The following TNRC6B variants were observed in gnomAD, a reference collection of about 807,000 sequenced individuals.
TNRC6B encodes trinucleotide repeat containing adaptor 6B.
TNRC6B carries 52 observed loss-of-function variants against 203.6 expected under a neutral mutation model. The observed-to-expected ratio is 0.26, with a 90% CI of 0.20 to 0.32. TNRC6B has a LOEUF of 0.32. Ranked by LOEUF, TNRC6B falls within the 10% of genes least tolerant of loss-of-function variation. TNRC6B has a pLI of 1.00. For missense variants in TNRC6B, 1,923 were observed against 2,286.2 expected, an observed-to-expected ratio of 0.84 and a Z score of 3.24; for synonymous variants, 838 against 845.7, an observed-to-expected ratio of 0.99 and a Z score of 0.16.
At chr22:40,149,929 G>A (rs2068733483) in intron 3 of TNRC6B, among the ~76,000 whole-genome samples, 1 of 151,970 alleles carries the variant, frequency 6.6e-6, no homozygotes, top group Non-Finnish European at 1.5e-5. Flanking sequence ...CTCCCAAAGT[G>A]TTGGAATTAC....
intron 1 of TNRC6B, among the ~76,000 whole-genome samples, chr22:40,212,660 ATTATTT>A (rs1051911983): frequency 1.3e-5 from 2 of 151,720 alleles, no homozygotes; most frequent in African/African-American, 2.4e-5. Context: ...TTTGTTTTTA[ATTATTT>A]TTATTTTTAT....
chr22:40,173,719 G>C (rs1283304041), upstream of TNRC6B, among the ~76,000 whole-genome samples: 1 of 120,948 alleles, frequency 8.3e-6, no homozygotes, highest in Non-Finnish European at 1.7e-5. Flanking sequence ...GGCCAGCCTT[G>C]CTTTTATATT....
chr22:40,285,845 G>T, intron 12 of TNRC6B, 75 bp downstream of exon 12: 1 of 1,542,540 alleles, frequency 6.5e-7, no homozygotes, highest in South Asian at 1.2e-5. Context: ...ACTGATTTTT[G>T]TGGGCATAAA....
chr22:40,310,587 C>G (rs2071163099), intron 16 of TNRC6B, among the ~76,000 whole-genome samples: 1 of 152,106 alleles, frequency 6.6e-6, no homozygotes, highest in Non-Finnish European at 1.5e-5. Flanking sequence ...TGAGAACAAT[C>G]CTGTGTGCCT....
rs531679643 is a variant in TNRC6B, at chr22:40,097,448, C to T, written c.-120-19607C>T. On this transcript the variant is annotated intron_variant, in intron 1 of 23. Transcript: ENST00000301923. ...AGCCTCCCGAGTAACTAGGACTACA[C>T]GTGGGTGCCACCACACGCGGCCAAT... Among the ~76,000 whole-genome samples the T allele has an allele frequency of 1.5e-3, 235 of 152,108 alleles. 1 individual carries two copies. The highest frequency in any genetic ancestry group is 2.7e-3 in the Non-Finnish European group (185 of 67,974).
chr22:40,136,296 A>G (rs1316207415), intron 3 of TNRC6B, among the ~76,000 whole-genome samples: 4 of 152,042 alleles, frequency 2.6e-5, no homozygotes, highest in South Asian at 2.1e-4. Context: ...TAAAACAGAT[A>G]TAGTAAAATT....
intron 3 of TNRC6B, among the ~76,000 whole-genome samples, chr22:40,251,475 C>G (rs2070192389): frequency 6.6e-6 from 1 of 152,020 alleles, no homozygotes; most frequent in African/African-American, 2.4e-5. Flanking sequence ...CGCCTGTAAT[C>G]CCAGCACTTT....
At chr22:40,238,775 C>T (rs1348000351) in intron 1 of TNRC6B, among the ~76,000 whole-genome samples, 1 of 152,186 alleles carries the variant, frequency 6.6e-6, no homozygotes, top group African/African-American at 2.4e-5. Flanking sequence ...CTGTTGTTGC[C>T]TGAACTGTGT....
chr22:40,159,632 C>T (rs1255483926), intron 4 of TNRC6B, among the ~76,000 whole-genome samples: 1 of 149,096 alleles, frequency 6.7e-6, no homozygotes, highest in Non-Finnish European at 1.5e-5. Flanking sequence ...GAGCAAGACT[C>T]CATCTTAAAA....
intron 12 of TNRC6B, among the ~76,000 whole-genome samples, chr22:40,295,452 C>T (rs1056135906): frequency 3.8e-4 from 47 of 123,200 alleles, no homozygotes; most frequent in African/African-American, 1.4e-3. Flanking sequence ...CCAGCCTGGG[C>T]AACAGAGTGA....
At chr22:40,291,640 G>A (rs2030773191) in intron 12 of TNRC6B, among the ~76,000 whole-genome samples, 1 of 152,106 alleles carries the variant, frequency 6.6e-6, no homozygotes. Context: ...GTTTCATCAG[G>A]TAGATTTACC....
chr22:40,186,515 G>A (rs1033454090), intron 1 of TNRC6B, among the ~76,000 whole-genome samples: 12 of 151,788 alleles, frequency 7.9e-5, no homozygotes, highest in East Asian at 1.9e-4. Flanking sequence ...CGAGGTGAGC[G>A]GATCACAAGG....
intron 1 of TNRC6B, among the ~76,000 whole-genome samples, chr22:40,055,434 C>T (rs1182526694): frequency 6.6e-6 from 1 of 152,112 alleles, no homozygotes; most frequent in African/African-American, 2.4e-5. Flanking sequence ...ATGACCGGCA[C>T]AGCGGTATGC....
chr22:40,283,274 G>A (rs534725454), intron 11 of TNRC6B, among the ~76,000 whole-genome samples: 81 of 152,208 alleles, frequency 5.3e-4, no homozygotes, highest in African/African-American at 1.6e-3. Flanking sequence ...TCCTGACCTC[G>A]TGATCCGCCC....
chr22:40,065,917 G>T (rs1025870957), intron 1 of TNRC6B, among the ~76,000 whole-genome samples: 4 of 152,096 alleles, frequency 2.6e-5, no homozygotes, highest in African/African-American at 9.7e-5. Flanking sequence ...ATCATTTTGG[G>T]TAGTTATTTC....
At chr22:40,158,348 A>C (rs1005657434) in intron 4 of TNRC6B, among the ~76,000 whole-genome samples, 2 of 91,850 alleles carry the variant, frequency 2.2e-5, no homozygotes, top group African/African-American at 3.5e-5. Context: ...TTCAATAAAT[A>C]AATAAATAAA....
intron 2 of TNRC6B, among the ~76,000 whole-genome samples, chr22:40,250,673 G>C (rs556983648): frequency 6.6e-6 from 1 of 152,120 alleles, no homozygotes; most frequent in Non-Finnish European, 1.5e-5. Flanking sequence ...AAAACTGGGG[G>C]TCTCATAGCC....
At chr22:40,061,890 A>G (rs980795097) in intron 1 of TNRC6B, among the ~76,000 whole-genome samples, 1 of 152,076 alleles carries the variant, frequency 6.6e-6, no homozygotes, top group South Asian at 2.1e-4. Context: ...CCTAGCCAAC[A>G]TGGTGAAACC....
intron 6 of TNRC6B, 31 bp downstream of exon 6, chr22:40,270,311 T>C: frequency 7.7e-7 from 1 of 1,304,522 alleles, no homozygotes; most frequent in South Asian, 2.1e-5. Context: ...TTTTGAGGGA[T>C]CCTTTTTTTT....
Sources: gnomAD v4.1 joint callset for allele counts (sites outside exome capture counted in the v4.1 genomes callset) on GRCh38, gnomAD v4.1.1 for gene constraint, MANE v1.5 for transcripts, NCBI Gene and HGNC (gene_info 2026-07-23, HGNC 2026-07-21) for gene names.